The following VPS54 variants were observed in gnomAD, a reference collection of about 807,000 sequenced individuals.
VPS54 encodes VPS54 subunit of GARP complex, also known as vacuolar protein sorting-associated protein 54.
A neutral mutation model predicts 121.5 loss-of-function variants in VPS54; 45 were observed. That is an observed-to-expected ratio of 0.37 (90% CI 0.29 to 0.47). VPS54 has a LOEUF of 0.47. Ranked by LOEUF, VPS54 falls within the 20% of genes least tolerant of loss-of-function variation. The pLI, the probability that VPS54 is intolerant of heterozygous loss-of-function variation, is 0.99. For synonymous variants in VPS54, 371 were observed against 385.8 expected (o/e 0.96, Z 0.45); for missense variants, 1,090 against 1,131.4 (o/e 0.96, Z 0.52).
intron 17 of VPS54, 66 bp from the exon 18 acceptor site, chr2:63,913,376 T>C: frequency 8.3e-7 from 1 of 1,208,904 alleles, no homozygotes. Flanking sequence ...CCTGGCAATG[T>C]GCTATTATAA....
At chr2:63,896,996 C>T (rs920954403) in intron 22 of VPS54, among the ~76,000 whole-genome samples, 1 of 152,126 alleles carries the variant, frequency 6.6e-6, no homozygotes, top group Non-Finnish European at 1.5e-5. Context: ...GATTCTAAGT[C>T]CTACCCTATG....
At chr2:63,957,243 C>G (rs1354223101) in intron 7 of VPS54, among the ~76,000 whole-genome samples, 1 of 151,924 alleles carries the variant, frequency 6.6e-6, no homozygotes, top group Non-Finnish European at 1.5e-5. Context: ...GAGATCGAGG[C>G]CATCCTGGCT....
At chr2:63,911,416 G>C (rs1470010354) in intron 20 of VPS54, among the ~76,000 whole-genome samples, 1 of 152,004 alleles carries the variant, frequency 6.6e-6, no homozygotes, top group Non-Finnish European at 1.5e-5. Context: ...GGGATTCCCA[G>C]AAGTCAGAGA....
At chr2:63,962,538 T>C in intron 6 of VPS54, 95 bp from the exon 7 acceptor site, 2 of 1,372,720 alleles carry the variant, frequency 1.5e-6, no homozygotes, top group Admixed American at 2.6e-5. Flanking sequence ...TTTCTACATA[T>C]ACTTTAAATT....
chr2:63,954,940 T>C (rs868141811), intron 7 of VPS54, among the ~76,000 whole-genome samples: 1 of 152,012 alleles, frequency 6.6e-6, no homozygotes, highest in African/African-American at 2.4e-5. Context: ...AATTGCAATA[T>C]ATAGATATTA....
At chr2:63,950,843 C>G (rs979285565) in intron 7 of VPS54, among the ~76,000 whole-genome samples, 1 of 151,976 alleles carries the variant, frequency 6.6e-6, no homozygotes, top group African/African-American at 2.4e-5. Flanking sequence ...GGTAGATATT[C>G]TTTCTCCTCC....
intron 9 of VPS54, 97 bp downstream of exon 9, chr2:63,947,286 T>C: frequency 8.8e-7 from 1 of 1,142,600 alleles, no homozygotes; most frequent in East Asian, 3.4e-5. Context: ...ATGAGCTATA[T>C]TACTATTACA....
rs1307050824 is a variant in VPS54 at position 63,940,693 on chromosome 2, G to T, written c.1398+1772C>A. On this transcript the variant is annotated intron_variant, in intron 11 of 22. Transcript: ENST00000272322. Reference sequence around the variant, plus strand: ...TTTCACTTAAAGTCACAGTTTCCAAGACCTATCCATAACATTGAAGACTTA... The same window carrying T: ...TTTCACTTAAAGTCACAGTTTCCAATACCTATCCATAACATTGAAGACTTA... 2.0e-5 allele frequency among the ~76,000 whole-genome samples: 3 copies of T among 152,152 alleles called. No homozygotes were observed. The East Asian group carries it at 5.8e-4, about 29-fold the overall frequency.
intron 7 of VPS54, among the ~76,000 whole-genome samples, chr2:63,950,406 C>A (rs923821472): frequency 2.0e-5 from 3 of 151,944 alleles, no homozygotes; most frequent in African/African-American, 7.3e-5. Context: ...GTGTTTGGGG[C>A]AAGGAGATCA....
chr2:63,949,675 G>A (rs576192049), intron 7 of VPS54, among the ~76,000 whole-genome samples: 2 of 152,250 alleles, frequency 1.3e-5, no homozygotes, highest in East Asian at 3.9e-4. Context: ...GGAGGAGGAG[G>A]GAGAGGAGAG....
At chr2:63,951,355 T>C (rs1374559667) in intron 7 of VPS54, among the ~76,000 whole-genome samples, 1 of 152,082 alleles carries the variant, frequency 6.6e-6, no homozygotes, top group Non-Finnish European at 1.5e-5. Flanking sequence ...GTGAACTTAG[T>C]ATGGGTCCCA....
At chr2:63,926,572 G>A (rs1673913821) in intron 12 of VPS54, among the ~76,000 whole-genome samples, 2 of 152,180 alleles carry the variant, frequency 1.3e-5, no homozygotes, top group South Asian at 2.1e-4. Flanking sequence ...CGAGATCGAC[G>A]CAGAAGACGG....
chr2:64,014,801 T>G (rs1322610409), intron 1 of VPS54, among the ~76,000 whole-genome samples: 1 of 151,664 alleles, frequency 6.6e-6, no homozygotes, highest in Non-Finnish European at 1.5e-5. Context: ...CCCTATTTTA[T>G]AGATGAGAAA....
chr2:63,982,670 A>T, intron 2 of VPS54, among the ~76,000 whole-genome samples: 1 of 152,212 alleles, frequency 6.6e-6, no homozygotes, highest in South Asian at 2.1e-4. Context: ...TTTCTCCATA[A>T]GGGACATCAT....
At chr2:63,902,890 C>T (rs561840686) in intron 20 of VPS54, among the ~76,000 whole-genome samples, 2 of 152,268 alleles carry the variant, frequency 1.3e-5, no homozygotes, top group South Asian at 4.1e-4. Flanking sequence ...ATTGCTTAAA[C>T]TCAGGAGGTG....
intron 12 of VPS54, among the ~76,000 whole-genome samples, chr2:63,931,699 A>G (rs2104479918): frequency 6.6e-6 from 1 of 152,346 alleles, no homozygotes; most frequent in Middle Eastern, 3.4e-3. Flanking sequence ...AAAAGAAACT[A>G]TCATCAGAGT....
intron 22 of VPS54, 122 bp downstream of exon 22, chr2:63,897,374 G>A (rs978494295): frequency 1.6e-6 from 1 of 642,584 alleles, no homozygotes; most frequent in African/African-American, 1.9e-5. Context: ...ACAAAAGCTT[G>A]CTGATTTTAC....
intron 5 of VPS54, among the ~76,000 whole-genome samples, chr2:63,967,516 C>A (rs777226520): frequency 2.0e-5 from 3 of 151,944 alleles, no homozygotes; most frequent in South Asian, 4.2e-4. Context: ...AAGTTTGAGA[C>A]CAGCCTAGCC....
intron 21 of VPS54, among the ~76,000 whole-genome samples, chr2:63,898,910 G>C (rs149637524): frequency 2.0e-5 from 3 of 152,148 alleles, no homozygotes; most frequent in Non-Finnish European, 4.4e-5. Flanking sequence ...TAATACTTTT[G>C]TAAGGGAATA....
Sources: allele counts gnomAD v4.1 joint callset (sites outside exome capture counted in the v4.1 genomes callset), GRCh38; gene constraint gnomAD v4.1.1; transcripts MANE v1.5; gene names NCBI Gene and HGNC (gene_info 2026-07-23, HGNC 2026-07-21).